The following CCDC191 variants were observed in gnomAD, a reference collection of about 807,000 sequenced individuals.
CCDC191 encodes coiled-coil domain containing 191.
A neutral mutation model predicts 114.0 loss-of-function variants in CCDC191; 99 were observed. The observed-to-expected ratio is 0.87, with a 90% CI of 0.74 to 1.03. The LOEUF (loss-of-function observed/expected upper bound fraction) is 1.03. Ranked by LOEUF, CCDC191 falls within the 50% of genes least tolerant of loss-of-function variation. CCDC191 has a pLI of 0.00. For synonymous variants in CCDC191, 351 were observed against 376.0 expected (o/e 0.93, Z 0.77); for missense variants, 973 against 1,087.0 (o/e 0.90, Z 1.47).
chr3:113,980,737 G>A lies in CCDC191; in HGVS notation c.2220C>T (p.Ala740=), dbSNP rs138194399. Residue 740 remains alanine, a synonymous_variant, in exon 14 of 17, where the codon GCC becomes GCT. Transcript: ENST00000295878. The part of the protein sequence containing the change: ...IKRNQQLEAI[A]KEHYERVLLR... ...GCAAGACCCTTTCATAATGTTCTTT[G>A]GCTATTGCTTCCAGCTGCTGGTTCC... 4.3e-6 allele frequency: 7 copies of A among 1,610,076 alleles called. No individual in the cohort carries two copies. In the East Asian group the frequency reaches 1.3e-4, roughly 31 times the overall value.
intron 7 of CCDC191, among the ~76,000 whole-genome samples, chr3:114,027,605 A>G (rs2076340643): frequency 6.7e-6 from 1 of 148,394 alleles, no homozygotes. Flanking sequence ...CTGTCTCAAA[A>G]AAAAAAAAAA....
chr3:113,971,774 G>A (rs1400269869), intron 16 of CCDC191, among the ~76,000 whole-genome samples: 1 of 151,860 alleles, frequency 6.6e-6, no homozygotes, highest in African/African-American at 2.4e-5. Context: ...TTAAAAGTTT[G>A]GTACAATTTA....
chr3:114,042,429 G>T (rs551414410), intron 4 of CCDC191, among the ~76,000 whole-genome samples: 4 of 152,276 alleles, frequency 2.6e-5, no homozygotes, highest in Admixed American at 2.6e-4. Flanking sequence ...GAGGAGTTTG[G>T]TATCTGTGGG....
At chr3:114,018,464 T>A (rs2076196462) in intron 8 of CCDC191, among the ~76,000 whole-genome samples, 1 of 152,066 alleles carries the variant, frequency 6.6e-6, no homozygotes, top group Admixed American at 6.6e-5. Context: ...CACACCCCAC[T>A]GCTCCCGGCT....
chr3:114,031,481 G>C, intron 7 of CCDC191, 145 bp downstream of exon 7: 1 of 682,968 alleles, frequency 1.5e-6, no homozygotes, highest in South Asian at 1.6e-5. Flanking sequence ...CAGGTCAGCT[G>C]GGCACAAAGA....
Position 114,034,961 on chromosome 3 carries a change from A to C in CCDC191, c.782T>G (p.Ile261Ser), listed in dbSNP as rs2076461214. The C allele has an allele frequency of 6.2e-7, 1 of 1,613,838 alleles. No homozygotes were observed. Among genetic ancestry groups the C allele is most frequent in the Non-Finnish European group, 8.5e-7 (1 of 1,179,970 alleles). ...REMVKLRREI[I>S]ERRRTVKAAW... is the part of the protein sequence containing the mutation. ...TGCTTTCACAGTGCGTCTCCTCTCA[A>C]TTATCTCCCTCCGCAGCTTCACCAT... The change falls in exon 6 of 17, where the codon ATT becomes AGT. Residue 261 changes from isoleucine to serine, a missense_variant. Transcript: ENST00000295878.
intron 16 of CCDC191, 67 bp downstream of exon 16, chr3:113,978,119 G>A (rs1023487961): frequency 1.3e-6 from 2 of 1,555,960 alleles, no homozygotes; most frequent in African/African-American, 1.4e-5. Flanking sequence ...CACATTGTAG[G>A]AGCAGAATAT....
intron 9 of CCDC191, among the ~76,000 whole-genome samples, chr3:114,008,287 A>T (rs952387242): frequency 6.6e-6 from 1 of 151,260 alleles, no homozygotes; most frequent in Non-Finnish European, 1.5e-5. Context: ...AGACAAAATT[A>T]TCTGCCATAA....
intron 16 of CCDC191, 44 bp downstream of exon 16, chr3:113,978,142 T>C: frequency 6.2e-7 from 1 of 1,606,502 alleles, no homozygotes; most frequent in Non-Finnish European, 8.5e-7. Flanking sequence ...TGCTGAGCAA[T>C]TGTGAAGTCA....
chr3:113,979,009 AC>A lies in CCDC191; in HGVS notation c.2308del (p.Val770TrpfsTer16). The A allele has an allele frequency of 2.5e-6, 4 of 1,612,632 alleles. No homozygotes were observed. Among genetic ancestry groups the A allele is most frequent in the Non-Finnish European group, 3.4e-6 (4 of 1,179,342 alleles). ...GAACAAAGAGTAATGTTCTTCTGCC[AC>A]CTGGACAATTTTTTAAATGAGAAAT... ...LRMQSKQNIQ[V>X]AEEHYSLFLQ... On this transcript the variant is annotated frameshift_variant and splice_region_variant, in exon 15 of 17. Transcript: ENST00000295878. LOFTEE classifies it high-confidence loss of function.
At chr3:114,006,950 C>T (rs192535507) in intron 9 of CCDC191, among the ~76,000 whole-genome samples, 364 of 150,500 alleles carry the variant, frequency 2.4e-3, no homozygotes, top group African/African-American at 8.6e-3. Flanking sequence ...CAAATATCTG[C>T]ATTACAAACT....
Position 114,011,034 on chromosome 3 carries a change from GCACTTCCATTAAAAT to G in CCDC191, c.1164-28_1164-14del. 2.5e-6 allele frequency: 4 copies of G among 1,594,826 alleles called. No homozygotes were observed. The Admixed American group carries it at 7.1e-5, about 28-fold the overall frequency. The stretch of plus-strand genomic sequence containing the variant: ...CAGTTGTTGTTTTCTAAGCAACAAA[GCACTTCCATTAAAAT>G]AAAGAAGCCATTTACAGTTTGTTAA... On this transcript the variant is annotated splice_polypyrimidine_tract_variant and intron_variant, in intron 8 of 16. Transcript: ENST00000295878.
chr3:114,001,768 A>G (rs1218874946), intron 12 of CCDC191, 72 bp from the exon 13 acceptor site: 6 of 1,581,516 alleles, frequency 3.8e-6, no homozygotes, highest in Non-Finnish European at 4.3e-6. Flanking sequence ...TATGTTTAGG[A>G]TAGTCAAGCG....
intron 11 of CCDC191, 98 bp downstream of exon 11, chr3:114,004,539 C>T: frequency 6.6e-7 from 1 of 1,513,124 alleles, no homozygotes; most frequent in Non-Finnish European, 8.8e-7. Flanking sequence ...TGCCAAGTCT[C>T]AAAACCTCAA....
chr3:114,020,854 T>C (rs576874350), intron 7 of CCDC191, among the ~76,000 whole-genome samples: 2 of 152,274 alleles, frequency 1.3e-5, no homozygotes, highest in African/African-American at 2.4e-5. Flanking sequence ...AATAACACTA[T>C]TAATAGTATC....
intron 16 of CCDC191, among the ~76,000 whole-genome samples, chr3:113,970,690 G>C (rs1222656411): frequency 6.6e-6 from 1 of 151,986 alleles, no homozygotes; most frequent in Non-Finnish European, 1.5e-5. Context: ...TTAACATTAG[G>C]TATATCTCCT....
Position 114,056,459 on chromosome 3 carries a change from A to G in CCDC191, c.8T>C (p.Leu3Pro), listed in dbSNP as rs140131124. Residue 3 changes from leucine (L) to proline (P), a missense_variant, in exon 1 of 17, where the codon CTG becomes CCG. Physicochemically the swap from Leu to Pro is moderately conservative, Grantham distance 98. Coordinates refer to ENST00000295878, the MANE Select transcript of CCDC191 (RefSeq NM_020817.2). ML[L>P]APQGRSFSKK... The stretch of plus-strand genomic sequence containing the variant: ...TGAGAAGGACCTTCCCTGAGGCGCC[A>G]GGAGCATTTTCCAAGTTCGAGCCCG... 859 of 1,614,046 alleles carry G rather than the reference A, an allele frequency of 5.3e-4. 1 individual carries two copies. The highest frequency in any genetic ancestry group is 1.3e-3 in the South Asian group (115 of 91,086).
intron 16 of CCDC191, among the ~76,000 whole-genome samples, chr3:113,970,526 A>G (rs1940693261): frequency 6.6e-6 from 1 of 152,094 alleles, no homozygotes; most frequent in South Asian, 2.1e-4. Flanking sequence ...ATATTGAATA[A>G]AAGTGCTGAA....
chr3:114,001,080 T>G (rs943748846), intron 13 of CCDC191, among the ~76,000 whole-genome samples: 3 of 152,232 alleles, frequency 2.0e-5, no homozygotes, highest in Non-Finnish European at 4.4e-5. Flanking sequence ...TAAGAGCTTT[T>G]TCTCTTATTT....
Sources: allele counts gnomAD v4.1 joint callset (sites outside exome capture counted in the v4.1 genomes callset), GRCh38; gene constraint gnomAD v4.1.1; transcripts MANE v1.5; gene names NCBI Gene and HGNC (gene_info 2026-07-23, HGNC 2026-07-21).